The following LDB2 variants were observed in gnomAD, a reference collection of about 807,000 sequenced individuals.
LDB2 encodes LIM domain binding 2, also known as LIM domain-binding protein 2.
LDB2 carries 12 observed loss-of-function variants against 44.3 expected under a neutral mutation model. That is an observed-to-expected ratio of 0.27 (90% CI 0.17 to 0.44). The LOEUF (loss-of-function observed/expected upper bound fraction) is 0.44, where lower values mean the gene tolerates loss of function less well. Ranked by LOEUF, LDB2 falls within the 20% of genes least tolerant of loss-of-function variation. The pLI is 1.00. For missense variants in LDB2, 344 were observed against 473.5 expected, an observed-to-expected ratio of 0.73 and a Z score of 2.54; for synonymous variants, 164 against 174.8, an observed-to-expected ratio of 0.94 and a Z score of 0.49.
rs1732669884 is a variant in LDB2, at chr4:16,538,593, C to T, written c.616-26489G>A. Among the ~76,000 whole-genome samples, 4 of 152,170 alleles carry T rather than the reference C, an allele frequency of 2.6e-5. No homozygotes were observed. In the South Asian group the frequency reaches 8.3e-4, roughly 32 times the overall value. ...CTGAGCACCTGCTAGAGGCCACCTA[C>T]AGCAGCTAGAGGACAAGTTTTAGAG... On this transcript the variant is annotated intron_variant, in intron 5 of 7. Coordinates refer to ENST00000304523, the MANE Select transcript of LDB2 (RefSeq NM_001290.5).
At chr4:16,538,415 C>CAA (rs145082268) in intron 5 of LDB2, among the ~76,000 whole-genome samples, 2 of 149,878 alleles carry the variant, frequency 1.3e-5, no homozygotes, top group Non-Finnish European at 2.9e-5. Flanking sequence ...GTCCAACAAG[C>CAA]AAAAAAACAA....
chr4:16,724,103 T>A lies in LDB2; in HGVS notation c.235+35055A>T, dbSNP rs546391291. On this transcript the variant is annotated intron_variant, in intron 2 of 7. Transcript: ENST00000304523. ...TGAATGAATAAAGGAAAAAACTTAT[T>A]GTCATACAAATATAGAAAATGCTTT... Among the ~76,000 whole-genome samples the A allele has an allele frequency of 2.6e-5, 4 of 152,258 alleles. No individual in the cohort carries two copies. In the East Asian group the frequency reaches 7.7e-4, roughly 29 times the overall value.
intron 2 of LDB2, among the ~76,000 whole-genome samples, chr4:16,743,839 C>A (rs1264474002): frequency 6.6e-6 from 1 of 152,196 alleles, no homozygotes; most frequent in African/African-American, 2.4e-5. Context: ...GCCTGGACTC[C>A]TGATGCAGGT....
chr4:16,796,079 T>C lies in LDB2; in HGVS notation c.133-36819A>G, dbSNP rs1446238215. On this transcript the variant is annotated intron_variant, in intron 1 of 7. Transcript: ENST00000304523. ...GGCTGAGGTGGGCAGATCTCTTGAG[T>C]CCAGGAGTGTGAGACCAGTCTGGGC... Among the ~76,000 whole-genome samples the C allele has an allele frequency of 2.0e-5, 3 of 151,834 alleles. No individual in the cohort carries two copies. The South Asian group carries it at 6.2e-4, about 32-fold the overall frequency.
At chr4:16,527,478 G>T (rs942481956) in intron 5 of LDB2, among the ~76,000 whole-genome samples, 3 of 152,190 alleles carry the variant, frequency 2.0e-5, no homozygotes, top group Non-Finnish European at 2.9e-5. Flanking sequence ...TACACTGCTG[G>T]TGGGAATGTA....
At position 16,886,757 on chromosome 4, in the gene LDB2, G is replaced by A. The variant is rs988056708; in HGVS notation, c.132+11597C>T. On this transcript the variant is annotated intron_variant, in intron 1 of 7. Coordinates refer to ENST00000304523, the MANE Select transcript of LDB2 (RefSeq NM_001290.5). ...TAAAGATCAACACTGTTTTGGCTGG[G>A]CACGGTGGCTCACACCTGTAATCCC... is the stretch of plus-strand genomic sequence containing the variant. Among the ~76,000 whole-genome samples the A allele has an allele frequency of 2.0e-5, 3 of 152,008 alleles. No homozygotes were observed. In the South Asian group the frequency reaches 6.2e-4, roughly 32 times the overall value.
At chr4:16,627,943 C>G (rs1366849806) in intron 2 of LDB2, among the ~76,000 whole-genome samples, 1 of 152,158 alleles carries the variant, frequency 6.6e-6, no homozygotes, top group African/African-American at 2.4e-5. Context: ...CTGCTGGAGT[C>G]AAATCAACGT....
intron 5 of LDB2, among the ~76,000 whole-genome samples, chr4:16,562,175 TA>T (rs1302824551): frequency 6.6e-6 from 1 of 152,102 alleles, no homozygotes; most frequent in Non-Finnish European, 1.5e-5. Flanking sequence ...ACTTCATGTC[TA>T]AAACACCAAA....
At chr4:16,824,219 GTA>G (rs1387886909) in intron 1 of LDB2, among the ~76,000 whole-genome samples, 7 of 152,236 alleles carry the variant, frequency 4.6e-5, no homozygotes, top group Admixed American at 1.3e-4. Context: ...TTGTGTGTGT[GTA>G]TGTGTGTGTG....
intron 5 of LDB2, among the ~76,000 whole-genome samples, chr4:16,563,726 G>T (rs888521761): frequency 2.0e-5 from 3 of 151,308 alleles, no homozygotes; most frequent in Non-Finnish European, 4.4e-5. Context: ...CCAATGTGCT[G>T]GGATTACAGG....
At chr4:16,841,413 C>T (rs1785866105) in intron 1 of LDB2, among the ~76,000 whole-genome samples, 1 of 152,210 alleles carries the variant, frequency 6.6e-6, no homozygotes, top group Admixed American at 6.5e-5. Context: ...TTCAACATTT[C>T]CCACCTGGTA....
intron 1 of LDB2, among the ~76,000 whole-genome samples, chr4:16,772,706 G>C (rs1430926741): frequency 6.6e-6 from 1 of 152,066 alleles, no homozygotes; most frequent in Non-Finnish European, 1.5e-5. Context: ...GCTCACCATA[G>C]GAGCACTCAT....
At chr4:16,814,543 A>T (rs1164328518) in intron 1 of LDB2, among the ~76,000 whole-genome samples, 2 of 152,174 alleles carry the variant, frequency 1.3e-5, no homozygotes, top group Admixed American at 1.3e-4. Flanking sequence ...CAACCCCTGT[A>T]ATCCTCCAAT....
chr4:16,809,611 T>C (rs967021609), intron 1 of LDB2, among the ~76,000 whole-genome samples: 2 of 152,160 alleles, frequency 1.3e-5, no homozygotes, highest in African/African-American at 2.4e-5. Flanking sequence ...CAAAGGACTT[T>C]AATCAATGTC....
intron 2 of LDB2, among the ~76,000 whole-genome samples, chr4:16,724,376 T>C (rs74869708): frequency 0.03 from 4,558 of 151,094 alleles, 78 homozygotes; most frequent in African/African-American, 0.042. Context: ...AAAATCACCT[T>C]AGTTTGGCAA....
chr4:16,819,217 C>T (rs934150309), intron 1 of LDB2, among the ~76,000 whole-genome samples: 1 of 151,788 alleles, frequency 6.6e-6, no homozygotes, highest in Non-Finnish European at 1.5e-5. Flanking sequence ...TTTTATGATT[C>T]TTTCTAAATT....
intron 1 of LDB2, among the ~76,000 whole-genome samples, chr4:16,872,089 T>A (rs1716858876): frequency 6.6e-6 from 1 of 152,048 alleles, no homozygotes; most frequent in Non-Finnish European, 1.5e-5. Flanking sequence ...AAACTATATA[T>A]CTTTCTATTA....
intron 1 of LDB2, among the ~76,000 whole-genome samples, chr4:16,844,248 CAAA>C (rs34034796): frequency 3.3e-5 from 1 of 30,060 alleles, no homozygotes; most frequent in South Asian, 2.6e-3. Flanking sequence ...ACCCTGTCTC[CAAA>C]AAAAAAAAAA....
intron 1 of LDB2, among the ~76,000 whole-genome samples, chr4:16,849,465 T>C (rs1256504980): frequency 1.3e-5 from 2 of 152,222 alleles, no homozygotes; most frequent in African/African-American, 4.8e-5. Context: ...TTAATACCGA[T>C]AGAATGAATG....
Sources: allele counts gnomAD v4.1 joint callset (sites outside exome capture counted in the v4.1 genomes callset), GRCh38; gene constraint gnomAD v4.1.1; transcripts MANE v1.5; gene names NCBI Gene and HGNC (gene_info 2026-07-23, HGNC 2026-07-21).